Variants in ARHGAP44 observed in about 807,000 individuals in gnomAD.
The protein encoded by ARHGAP44 is Rho GTPase activating protein 44.
ARHGAP44 carries 43 observed loss-of-function variants against 106.8 expected under a neutral mutation model. The observed-to-expected ratio is 0.40, with a 90% CI of 0.32 to 0.52. The LOEUF (loss-of-function observed/expected upper bound fraction) is 0.52. Among genes scored for constraint, ARHGAP44 ranks in the 20% least tolerant of loss-of-function variants. ARHGAP44 has a pLI of 0.48. For missense variants in ARHGAP44, 866 were observed against 1,050.5 expected (o/e 0.82, Z 2.43); for synonymous variants, 439 against 410.3 (o/e 1.07, Z -0.85).
chr17:12,970,428 G>A (rs1014616673), intron 16 of ARHGAP44, among the ~76,000 whole-genome samples: 13 of 151,026 alleles, frequency 8.6e-5, no homozygotes, highest in Admixed American at 3.3e-4. Context: ...AAGCAGTGGA[G>A]AGAATCACCT....
intron 3 of ARHGAP44, among the ~76,000 whole-genome samples, chr17:12,906,307 T>A (rs1212351707): frequency 6.6e-6 from 1 of 152,160 alleles, no homozygotes; most frequent in Non-Finnish European, 1.5e-5. Flanking sequence ...GAACACCAGG[T>A]GTATGTCTTG....
intron 1 of ARHGAP44, among the ~76,000 whole-genome samples, chr17:12,881,564 A>T (rs2036738894): frequency 6.6e-6 from 1 of 152,050 alleles, no homozygotes; most frequent in Non-Finnish European, 1.5e-5. Flanking sequence ...TACTTTCTTA[A>T]TTACTGTGAC....
At position 12,952,642 on chromosome 17, in the gene ARHGAP44, C is replaced by A. The variant is rs534624776; in HGVS notation, c.1136+61C>A. The stretch of plus-strand genomic sequence containing the variant: ...TGGGCTTATGTAAGCCTCAGAGATA[C>A]AACTGCCCGGGTAAAAGTCATGGTA... On this transcript the variant is annotated intron_variant, in intron 13 of 20. Coordinates refer to ENST00000379672, the MANE Select transcript of ARHGAP44 (RefSeq NM_014859.6). 1.1e-4 allele frequency: 138 copies of A among 1,247,430 alleles called. No individual in the cohort carries two copies. The South Asian group carries it at 1.5e-3, about 14-fold the overall frequency. 77.3% of individuals were successfully genotyped at this position (1,247,430 alleles called of 1,614,324 possible). A position where few individuals can be genotyped will look rare whatever the true frequency, so the allele number is the denominator to read the frequency against.
At chr17:12,828,847 T>C (rs367997065) in intron 1 of ARHGAP44, among the ~76,000 whole-genome samples, 3 of 152,098 alleles carry the variant, frequency 2.0e-5, no homozygotes, top group Admixed American at 2.0e-4. Context: ...TTCACTGTGT[T>C]AGCCAGGATG....
In ARHGAP44 at chr17:12,962,063, TG is replaced by T. The variant is rs138315127; in HGVS notation, c.1523+3168del. Among the ~76,000 whole-genome samples the T allele has an allele frequency of 3.3e-3, 502 of 151,228 alleles. 2 individuals are homozygous for T. The highest frequency in any genetic ancestry group is 0.011 in the African/African-American group (467 of 41,440). On this transcript the variant is annotated intron_variant, in intron 16 of 20. Coordinates refer to ENST00000379672, the MANE Select transcript of ARHGAP44 (RefSeq NM_014859.6). Reference sequence around the variant, plus strand: ...TAAAGCTCATGTTATTGAAGGTTTTTGGCCAAGTTAAAAAAAAATATATATA... The same window carrying T: ...TAAAGCTCATGTTATTGAAGGTTTTTGCCAAGTTAAAAAAAAATATATATA...
intron 1 of ARHGAP44, among the ~76,000 whole-genome samples, chr17:12,810,578 G>A (rs932207639): frequency 6.6e-6 from 1 of 151,614 alleles, no homozygotes; most frequent in Non-Finnish European, 1.5e-5. Flanking sequence ...AGTGGAGATC[G>A]AGCTCAGTCC....
chr17:12,789,772 C>T lies in ARHGAP44; in HGVS notation c.-67C>T. On this transcript the variant is annotated 5_prime_UTR_variant, in exon 1 of 21. Transcript: ENST00000379672. Reference sequence around the variant, plus strand: ...AGGCTCCGCGCGGGAGCCATGTAACCCTGCGGCGGGCTCCGGGCTGCTCCG... The same window carrying T: ...AGGCTCCGCGCGGGAGCCATGTAACTCTGCGGCGGGCTCCGGGCTGCTCCG... 7.1e-7 allele frequency: 1 copy of T among 1,405,080 alleles called. No individual in the cohort carries two copies. Among genetic ancestry groups the T allele is most frequent in the Non-Finnish European group, 9.3e-7 (1 of 1,073,068 alleles). The allele number at this position is 1,405,080 out of a possible 1,614,324, so 87.0% of individuals were successfully genotyped here. A position where few individuals can be genotyped will look rare whatever the true frequency, so the allele number is the denominator to read the frequency against.
At chr17:12,894,065 A>G (rs530012245) in intron 1 of ARHGAP44, among the ~76,000 whole-genome samples, 8 of 152,100 alleles carry the variant, frequency 5.3e-5, no homozygotes, top group Non-Finnish European at 8.8e-5. Context: ...ATTTTTTAAT[A>G]TATCATTTGT....
At chr17:12,900,138 A>T (rs1337230182) in intron 3 of ARHGAP44, among the ~76,000 whole-genome samples, 1 of 149,404 alleles carries the variant, frequency 6.7e-6, no homozygotes, top group African/African-American at 2.5e-5. Context: ...TTTTATTTTT[A>T]TTTTTTTTTG....
chr17:12,890,015 C>T (rs2036995229), intron 1 of ARHGAP44, among the ~76,000 whole-genome samples: 1 of 152,182 alleles, frequency 6.6e-6, no homozygotes, highest in Non-Finnish European at 1.5e-5. Context: ...AAGCCTTGGG[C>T]AGTCCTGTTT....
At chr17:12,963,046 C>CAA (rs71369355) in intron 16 of ARHGAP44, among the ~76,000 whole-genome samples, 5,108 of 69,926 alleles carry the variant, frequency 0.073, 402 homozygotes, top group African/African-American at 0.11. Flanking sequence ...AACACCATCT[C>CAA]AAAAAAAAAA....
chr17:12,869,416 A>G (rs2036338384), intron 1 of ARHGAP44, among the ~76,000 whole-genome samples: 1 of 137,046 alleles, frequency 7.3e-6, no homozygotes, highest in South Asian at 2.5e-4. Context: ...TCCAATCTTC[A>G]CTATTTTGTC....
chr17:12,875,791 A>T (rs890591803), intron 1 of ARHGAP44, among the ~76,000 whole-genome samples: 1 of 152,134 alleles, frequency 6.6e-6, no homozygotes, highest in Non-Finnish European at 1.5e-5. Flanking sequence ...TAAAAATACA[A>T]AAATTAGCCA....
intron 1 of ARHGAP44, among the ~76,000 whole-genome samples, chr17:12,870,331 T>C (rs2036374399): frequency 6.6e-6 from 1 of 152,188 alleles, no homozygotes; most frequent in Non-Finnish European, 1.5e-5. Context: ...TACAAGCCAC[T>C]GTGCCCAGCC....
intron 16 of ARHGAP44, among the ~76,000 whole-genome samples, chr17:12,968,429 G>A (rs11078107): frequency 0.1 from 15,693 of 152,152 alleles, 936 homozygotes; most frequent in South Asian, 0.2. Flanking sequence ...AGCCTCCTGC[G>A]CCCTAGTGTA....
At chr17:12,986,910 T>C (rs2039974116) in intron 20 of ARHGAP44, 5 of 587,694 alleles carry the variant, frequency 8.5e-6, no homozygotes, top group Non-Finnish European at 1.5e-5. Context: ...CCTATTTTAA[T>C]GTCCTTTTGG....
intron 5 of ARHGAP44, among the ~76,000 whole-genome samples, chr17:12,918,643 C>T (rs148300495): frequency 4.1e-4 from 62 of 152,210 alleles, no homozygotes; most frequent in African/African-American, 1.5e-3. Context: ...ACATTTGCTT[C>T]CTTTCTTTTT....
intron 1 of ARHGAP44, among the ~76,000 whole-genome samples, chr17:12,876,388 T>TC (rs1474576001): frequency 6.6e-6 from 1 of 152,176 alleles, no homozygotes; most frequent in African/African-American, 2.4e-5. Flanking sequence ...ACCTGCTGAT[T>TC]CTAGGGATCT....
At chr17:12,930,624 A>G (rs2038372225) in intron 7 of ARHGAP44, among the ~76,000 whole-genome samples, 1 of 152,140 alleles carries the variant, frequency 6.6e-6, no homozygotes, top group African/African-American at 2.4e-5. Context: ...TCAATAGACA[A>G]GAGAGGGTGG....
Sources: allele counts gnomAD v4.1 joint callset (sites outside exome capture counted in the v4.1 genomes callset), GRCh38; gene constraint gnomAD v4.1.1; transcripts MANE v1.5; gene names NCBI Gene and HGNC (gene_info 2026-07-23, HGNC 2026-07-21).